Variants in CREB5 observed in about 807,000 individuals in gnomAD.
The protein encoded by CREB5 is cyclic AMP-responsive element-binding protein 5.
Under a neutral mutation model 57.1 loss-of-function variants are expected in CREB5, and 19 were observed. That is an observed-to-expected ratio of 0.33 (90% CI 0.23 to 0.49). The LOEUF is 0.49. Ranked by LOEUF, CREB5 falls within the 20% of genes least tolerant of loss-of-function variation. The pLI, the probability that CREB5 is intolerant of heterozygous loss-of-function variation, is 0.99. For missense variants in CREB5, 579 were observed against 671.6 expected, an observed-to-expected ratio of 0.86 and a Z score of 1.52; for synonymous variants, 238 against 238.3, an observed-to-expected ratio of 1.00 and a Z score of 0.01.
At chr7:28,333,899 T>G (rs1170063944) in intron 1 of CREB5, among the ~76,000 whole-genome samples, 1 of 152,242 alleles carries the variant, frequency 6.6e-6, no homozygotes, top group Non-Finnish European at 1.5e-5. Context: ...TCCTTTCTTT[T>G]GGGTATATAC....
chr7:28,387,585 G>A (rs1787134512), intron 1 of CREB5, among the ~76,000 whole-genome samples: 1 of 152,066 alleles, frequency 6.6e-6, no homozygotes, highest in Non-Finnish European at 1.5e-5. Context: ...AGTTTGATGA[G>A]AACACATGGA....
chr7:28,306,541 G>GTTTTGTTTT, intron 1 of CREB5, among the ~76,000 whole-genome samples: 1 of 44,458 alleles, frequency 2.2e-5, no homozygotes, highest in African/African-American at 7.7e-5. Context: ...TACAGATACA[G>GTTTTGTTTT]TTTTGTTTTT....
chr7:28,460,179 T>G (rs1790291516), intron 1 of CREB5, among the ~76,000 whole-genome samples: 1 of 152,104 alleles, frequency 6.6e-6, no homozygotes, highest in Non-Finnish European at 1.5e-5. Flanking sequence ...ATTTTACAAG[T>G]GTCAGGGAGT....
chr7:28,763,355 C>T (rs953093681), intron 7 of CREB5, among the ~76,000 whole-genome samples: 1 of 152,078 alleles, frequency 6.6e-6, no homozygotes, highest in African/African-American at 2.4e-5. Flanking sequence ...AAAGAGAGTC[C>T]TCCTTTCTTT....
At chr7:28,462,105 A>G (rs177588) in intron 1 of CREB5, among the ~76,000 whole-genome samples, 94,594 of 151,792 alleles carry the variant, frequency 0.62, 29,861 homozygotes, top group East Asian at 0.89. Context: ...GTAACCATTA[A>G]TCTACTTTCT....
chr7:28,574,892 C>T lies in CREB5; in HGVS notation c.464+4355C>T, dbSNP rs770756722. On this transcript the variant is annotated intron_variant, in intron 5 of 10. Transcript: ENST00000357727. Reference sequence around the variant, plus strand: ...CTGGAACATATATTTCCACATGATGCGTAACTTAGGCATTTGGTTATAAAC... The same window carrying T: ...CTGGAACATATATTTCCACATGATGTGTAACTTAGGCATTTGGTTATAAAC... Among the ~76,000 whole-genome samples, 34 of 152,246 alleles carry T rather than the reference C, an allele frequency of 2.2e-4. 1 individual carries two copies. The highest frequency in any genetic ancestry group is 1.7e-3 in the South Asian group (8 of 4,830).
At chr7:28,508,091 C>T (rs1416785413) in intron 4 of CREB5, among the ~76,000 whole-genome samples, 3 of 152,168 alleles carry the variant, frequency 2.0e-5, no homozygotes, top group Non-Finnish European at 2.9e-5. Flanking sequence ...TTTCATCAGA[C>T]TTTGGCCCAT....
intron 1 of CREB5, among the ~76,000 whole-genome samples, chr7:28,389,137 A>G (rs1020748685): frequency 2.0e-5 from 3 of 152,204 alleles, no homozygotes; most frequent in Non-Finnish European, 4.4e-5. Context: ...CCTCACGTTC[A>G]TTATTTACTG....
At chr7:28,700,033 C>T (rs768705879) in intron 5 of CREB5, among the ~76,000 whole-genome samples, 5 of 152,152 alleles carry the variant, frequency 3.3e-5, no homozygotes, top group African/African-American at 1.2e-4. Flanking sequence ...CTAAATGGGA[C>T]GTACATCAGA....
intron 5 of CREB5, among the ~76,000 whole-genome samples, chr7:28,629,499 G>T (rs1382080548): frequency 6.6e-6 from 1 of 152,210 alleles, no homozygotes; most frequent in Admixed American, 6.5e-5. Flanking sequence ...TGAGCAGGCA[G>T]GCTGGCAAGC....
At chr7:28,646,924 C>T (rs1434403358) in intron 5 of CREB5, among the ~76,000 whole-genome samples, 1 of 151,956 alleles carries the variant, frequency 6.6e-6, no homozygotes. Flanking sequence ...GGGCTTATTT[C>T]ATTGGCCGAA....
At chr7:28,637,905 A>G (rs1798487316) in intron 5 of CREB5, among the ~76,000 whole-genome samples, 1 of 152,170 alleles carries the variant, frequency 6.6e-6, no homozygotes, top group African/African-American at 2.4e-5. Context: ...TAGACTAGGT[A>G]TGGAAATGAA....
chr7:28,521,741 G>A (rs533972187), intron 4 of CREB5, among the ~76,000 whole-genome samples: 12 of 152,130 alleles, frequency 7.9e-5, no homozygotes, highest in East Asian at 7.7e-4. Context: ...TGCACAATAC[G>A]GTGTCTCTGA....
chr7:28,724,845 G>GATCTT (rs1803244927), intron 7 of CREB5, among the ~76,000 whole-genome samples: 1 of 152,178 alleles, frequency 6.6e-6, no homozygotes, highest in East Asian at 1.9e-4. Context: ...TTACTGAAAG[G>GATCTT]CATGATTTCA....
At chr7:28,639,740 A>G (rs1337778336) in intron 5 of CREB5, among the ~76,000 whole-genome samples, 1 of 152,174 alleles carries the variant, frequency 6.6e-6, no homozygotes, top group Non-Finnish European at 1.5e-5. Context: ...GTTCTCCAGT[A>G]AATTTGAATT....
chr7:28,760,733 A>G (rs1467783658), intron 7 of CREB5, among the ~76,000 whole-genome samples: 1 of 152,226 alleles, frequency 6.6e-6, no homozygotes, highest in Non-Finnish European at 1.5e-5. Context: ...TGAATAAAAA[A>G]GAAGAAGAAA....
chr7:28,332,765 A>T (rs1785741239), intron 1 of CREB5, among the ~76,000 whole-genome samples: 1 of 152,214 alleles, frequency 6.6e-6, no homozygotes, highest in Non-Finnish European at 1.5e-5. Context: ...CTAACTTATC[A>T]TGGGCATCTC....
chr7:28,472,824 T>C (rs181799265), intron 1 of CREB5, among the ~76,000 whole-genome samples: 2 of 152,284 alleles, frequency 1.3e-5, no homozygotes, highest in East Asian at 3.9e-4. Flanking sequence ...GAATCAATCT[T>C]AGCCCTGGTT....
intron 1 of CREB5, among the ~76,000 whole-genome samples, chr7:28,331,447 A>G (rs1785714690): frequency 6.6e-6 from 1 of 152,114 alleles, no homozygotes; most frequent in Non-Finnish European, 1.5e-5. Context: ...GCCCCTCATG[A>G]ACCAATTTCT....
Sources: gnomAD v4.1 joint callset for allele counts (sites outside exome capture counted in the v4.1 genomes callset) on GRCh38, gnomAD v4.1.1 for gene constraint, MANE v1.5 for transcripts, NCBI Gene and HGNC (gene_info 2026-07-23, HGNC 2026-07-21) for gene names.